ANO9: variants seen among roughly 807,000 people sequenced by gnomAD.
ANO9 encodes anoctamin-9.
In ANO9, 80 loss-of-function variants were observed where a neutral mutation model predicts 100.5. That is an observed-to-expected ratio of 0.80 (90% CI 0.66 to 0.96). The LOEUF (loss-of-function observed/expected upper bound fraction) is 0.96, where lower values mean the gene tolerates loss of function less well. Ranked by LOEUF, ANO9 falls within the 40% of genes least tolerant of loss-of-function variation. ANO9 has a pLI of 0.00. For missense variants in ANO9, 1,064 were observed against 1,072.7 expected (o/e 0.99, Z 0.11); for synonymous variants, 473 against 435.6 (o/e 1.09, Z -1.07).
In ANO9 at chr11:418,771, C is replaced by T. The variant is rs746180111; in HGVS notation, c.2079G>A (p.Glu693=). 1 of 1,613,132 alleles carries T rather than the reference C, an allele frequency of 6.2e-7. No individual in the cohort carries two copies. Among genetic ancestry groups the T allele is most frequent in the Admixed American group, 1.7e-5 (1 of 60,028 alleles). The change falls in exon 22 of 23, where the codon GAG becomes GAA. Residue 693 remains glutamate (E), a synonymous_variant. Transcript: ENST00000332826. Reference sequence around the variant, plus strand: ...GGATGGCCAGGAGGAACCAGAACTGCTCGGAGAAGTTGTAATCGGGGGGAT... The same window carrying T: ...GGATGGCCAGGAGGAACCAGAACTGTTCGGAGAAGTTGTAATCGGGGGGAT... ...YRNPPDYNFS[E]QFWFLLAIRL...
In ANO9 at chr11:421,076, G is replaced by T; in HGVS notation, c.1393-34C>A. 2 of 1,588,798 alleles carry T rather than the reference G, an allele frequency of 1.3e-6. No individual in the cohort carries two copies. Among genetic ancestry groups the T allele is most frequent in the Non-Finnish European group, 1.7e-6 (2 of 1,161,754 alleles). ...CCAGACAGGAGGAGATCAGGGAGGG[G>T]TCCTGGGGGACGGTCAGGGGAGCAG... On this transcript the variant is annotated intron_variant, in intron 16 of 22. Transcript: ENST00000332826. The surrounding 1 kb of genome is among the most constrained non-coding windows in gnomAD (Gnocchi z 6.8).
Position 428,369 on chromosome 11 carries a change from A to G in ANO9, c.1211T>C (p.Leu404Pro). The G allele has an allele frequency of 6.2e-7, 1 of 1,612,558 alleles. No homozygotes were observed. Among genetic ancestry groups the G allele is most frequent in the East Asian group, 2.2e-5 (1 of 44,818 alleles). ...TKINRCVALKLCDFEMPRTFS... is the reference protein window; with the variant it reads ...TKINRCVALKPCDFEMPRTFS... Reference sequence around the variant, plus strand: ...GGTAGTCCTCTCACCGAAGTCACAAAGCTTCAGGGCCACGCACCTGTTGAT... The same window carrying G: ...GGTAGTCCTCTCACCGAAGTCACAAGGCTTCAGGGCCACGCACCTGTTGAT... Residue 404 changes from leucine to proline, a missense_variant, in exon 14 of 23, where the codon CTT becomes CCT. By Grantham distance (98) the Leu-to-Pro change is moderately conservative (BLOSUM62 -3). Coordinates refer to ENST00000332826, the MANE Select transcript of ANO9 (RefSeq NM_001012302.3).
rs1455058287 is a variant in ANO9 at position 432,342 on chromosome 11, C to G, written c.351-288G>C. On this transcript the variant is annotated intron_variant, in intron 4 of 22. Transcript: ENST00000332826. This position sits in a 1 kb window ranked among gnomAD's most constrained non-coding sequence, Gnocchi z 4.8. ...CCTCCCAGAAGCCCAGACCACAGCC[C>G]GCACCTGCAACCACACCTCCCACCT... 2 of 499,402 alleles carry G rather than the reference C, an allele frequency of 4.0e-6. No homozygotes were observed. Among genetic ancestry groups the G allele is most frequent in the South Asian group, 4.6e-5 (2 of 43,312 alleles). 30.9% of individuals were successfully genotyped at this position (499,402 alleles called of 1,614,324 possible).
intron 19 of ANO9, 112 bp from the exon 20 acceptor site, chr11:419,841 C>CT: frequency 2.6e-6 from 4 of 1,517,116 alleles, no homozygotes; most frequent in Admixed American, 2.0e-5. Flanking sequence ...CGTGGTGTCC[C>CT]CTTGCAGCCC....
At chr11:434,153 C>T in intron 1 of ANO9, 55 bp from the exon 2 acceptor site, 1 of 1,535,376 alleles carries the variant, frequency 6.5e-7, no homozygotes, top group Non-Finnish European at 8.8e-7. Flanking sequence ...GGGCTAGATG[C>T]CCCTCATTGG....
Position 429,603 on chromosome 11 carries a change from C to T in ANO9, c.882G>A (p.Leu294=). The T allele has an allele frequency of 6.2e-7, 1 of 1,612,612 alleles. No individual in the cohort carries two copies. ...CGTCCCACACGTACAGGTCCCAGTG[C>T]AGGACCACGCGGGCGCGCTGCCGCT... ...IWKRQRARVV[L]HWDLYVWDEE... is the part of the protein sequence containing the mutation. The change falls in exon 11 of 23, where the codon CTG becomes CTA. Residue 294 remains leucine (L), a synonymous_variant. Transcript: ENST00000332826.
At chr11:424,983 A>G (rs1258161785) in intron 15 of ANO9, among the ~76,000 whole-genome samples, 4 of 144,472 alleles carry the variant, frequency 2.8e-5, no homozygotes, top group Non-Finnish European at 3.1e-5. Context: ...GCGCGGGAGG[A>G]AAAGGCGGCG....
At chr11:419,162 C>T (rs1848022319) in intron 20 of ANO9, 173 bp from the exon 21 acceptor site, 1 of 1,443,436 alleles carries the variant, frequency 6.9e-7, no homozygotes. Context: ...CATCCGGGGG[C>T]CTTGTGGGGA....
chr11:421,119 A>G lies in ANO9; in HGVS notation c.1392+22T>C. The G allele has an allele frequency of 6.3e-7, 1 of 1,574,802 alleles. No homozygotes were observed. Among genetic ancestry groups the G allele is most frequent in the Non-Finnish European group, 8.7e-7 (1 of 1,154,526 alleles). On this transcript the variant is annotated intron_variant, in intron 16 of 22. Coordinates refer to ENST00000332826, the MANE Select transcript of ANO9 (RefSeq NM_001012302.3). This position sits in a 1 kb window ranked among gnomAD's most constrained non-coding sequence, Gnocchi z 6.8. Reference sequence around the variant, plus strand: ...GGGAGCAGTGGCTCAGGGACAGGGCATGAAGCCTGGGGGTGACTGACCTCT... The same window carrying G: ...GGGAGCAGTGGCTCAGGGACAGGGCGTGAAGCCTGGGGGTGACTGACCTCT...
chr11:426,615 C>T (rs1848536190), intron 15 of ANO9, among the ~76,000 whole-genome samples: 1 of 152,018 alleles, frequency 6.6e-6, no homozygotes, highest in Non-Finnish European at 1.5e-5. Context: ...CTGCTGACAC[C>T]CACTACCAGG....
In ANO9 at chr11:418,745, C is replaced by A. The variant is rs116108490; in HGVS notation, c.2105G>T (p.Arg702Leu). Residue 702 changes from arginine to leucine, a missense_variant, in exon 22 of 23, where the codon CGC becomes CTC. Transcript: ENST00000332826. Reference sequence around the variant, plus strand: ...CTCAAAGAGGATGACGAAGGCCAGGCGGATGGCCAGGAGGAACCAGAACTG... The same window carrying A: ...CTCAAAGAGGATGACGAAGGCCAGGAGGATGGCCAGGAGGAACCAGAACTG... ...SEQFWFLLAI[R>L]LAFVILFEHV... The A allele has an allele frequency of 4.1e-5, 66 of 1,612,852 alleles. No individual in the cohort carries two copies. The highest frequency in any genetic ancestry group is 4.0e-5 in the African/African-American group (3 of 74,886).
chr11:431,878 C>A lies in ANO9; in HGVS notation c.435G>T (p.Gly145=), dbSNP rs116566875. The part of the protein sequence containing the change: ...GETFEDLMKD[G]VFEARFPLHK... ...GCAGGGGGAACCTGGCCTCAAAGAC[C>A]CCGTCCTTCATCAGATCCTCGAAGG... The change falls in exon 6 of 23, where the codon GGG becomes GGT. Residue 145 remains glycine, a synonymous_variant. Coordinates refer to ENST00000332826, the MANE Select transcript of ANO9 (RefSeq NM_001012302.3). The A allele has an allele frequency of 1.2e-3, 1,937 of 1,610,760 alleles. 17 individuals carry two copies. In the African/African-American group the frequency reaches 0.023, roughly 19 times the overall value.
At chr11:419,932 G>A in intron 19 of ANO9, 1 of 1,404,200 alleles carries the variant, frequency 7.1e-7, no homozygotes, top group Non-Finnish European at 9.2e-7. Flanking sequence ...ACCCTGACAT[G>A]GACAGGGAGG....
At position 431,781 on chromosome 11, in the gene ANO9, CAG is replaced by C; in HGVS notation, c.466-16_466-15del. 2 of 1,612,440 alleles carry C rather than the reference CAG, an allele frequency of 1.2e-6. No individual in the cohort carries two copies. Among genetic ancestry groups the C allele is most frequent in the East Asian group, 2.2e-5 (1 of 44,872 alleles). On this transcript the variant is annotated splice_polypyrimidine_tract_variant and intron_variant, in intron 6 of 22. Transcript: ENST00000332826. ...GCGTCCCTCCCCCTGGCTCGGGTGA[CAG>C]AGAGTGAGAGCCCCCATCCCAGGGT...
chr11:432,364 A>G lies in ANO9; in HGVS notation c.351-310T>C. ...GCCCGCACCTGCAACCACACCTCCC[A>G]CCTGCGGGCCCCATGTGTCCAGAGC... On this transcript the variant is annotated intron_variant, in intron 4 of 22. Coordinates refer to ENST00000332826, the MANE Select transcript of ANO9 (RefSeq NM_001012302.3). The surrounding 1 kb of genome is among the most constrained non-coding windows in gnomAD (Gnocchi z 4.8). 4.5e-6 allele frequency: 2 copies of G among 443,354 alleles called. No homozygotes were observed. Among genetic ancestry groups the G allele is most frequent in the Admixed American group, 3.6e-5 (1 of 28,122 alleles). 27.5% of individuals were successfully genotyped at this position (443,354 alleles called of 1,614,324 possible).
chr11:432,338 A>G lies in ANO9; in HGVS notation c.351-284T>C, dbSNP rs1849080791. ...CGTCCCTCCCAGAAGCCCAGACCACAGCCCGCACCTGCAACCACACCTCCC... is the reference window on the plus strand; with the variant it reads ...CGTCCCTCCCAGAAGCCCAGACCACGGCCCGCACCTGCAACCACACCTCCC... On this transcript the variant is annotated intron_variant, in intron 4 of 22. Coordinates refer to ENST00000332826, the MANE Select transcript of ANO9 (RefSeq NM_001012302.3). This position sits in a 1 kb window ranked among gnomAD's most constrained non-coding sequence, Gnocchi z 4.8. The G allele has an allele frequency of 4.0e-6, 2 of 503,442 alleles. No homozygotes were observed. The highest frequency in any genetic ancestry group is 7.2e-6 in the Non-Finnish European group (2 of 276,486). The allele number at this position is 503,442 out of a possible 1,614,324, so 31.2% of individuals were successfully genotyped here. A position where few individuals can be genotyped will look rare whatever the true frequency, so the allele number is the denominator to read the frequency against.
chr11:425,026 G>T (rs1238367240), intron 15 of ANO9, among the ~76,000 whole-genome samples: 1 of 123,674 alleles, frequency 8.1e-6, no homozygotes, highest in East Asian at 2.4e-4. Flanking sequence ...AAAAGGCGGC[G>T]TGGAGAGACG....
At chr11:434,510 G>A (rs745787016) in intron 1 of ANO9, among the ~76,000 whole-genome samples, 4 of 152,202 alleles carry the variant, frequency 2.6e-5, no homozygotes, top group South Asian at 2.1e-4. Context: ...AGTGCTGCGC[G>A]TATCAGAGCA....
In ANO9 at chr11:418,740, C is replaced by T. The variant is rs755167156; in HGVS notation, c.2110G>A (p.Ala704Thr). The T allele has an allele frequency of 1.2e-6, 2 of 1,612,958 alleles. No individual in the cohort carries two copies. ...QFWFLLAIRLAFVILFEHVAL... is the reference protein window; with the variant it reads ...QFWFLLAIRLTFVILFEHVAL... ...CTCACCTCAAAGAGGATGACGAAGG[C>T]CAGGCGGATGGCCAGGAGGAACCAG... is the stretch of plus-strand genomic sequence containing the variant. The change falls in exon 22 of 23, where the codon GCC becomes ACC. Residue 704 changes from alanine (A) to threonine (T), a missense_variant. Physicochemically the swap from Ala to Thr is moderately conservative, Grantham distance 58. Coordinates refer to ENST00000332826, the MANE Select transcript of ANO9 (RefSeq NM_001012302.3).
Sources: allele counts gnomAD v4.1 joint callset (sites outside exome capture counted in the v4.1 genomes callset), GRCh38; gene constraint gnomAD v4.1.1; non-coding constraint Gnocchi (gnomAD v3.1); transcripts MANE v1.5; gene names NCBI Gene and HGNC (gene_info 2026-07-23, HGNC 2026-07-21).